The following ABCB10 variants were observed in gnomAD, a reference collection of about 807,000 sequenced individuals.
ABCB10 encodes ATP-binding cassette sub-family B member 10, mitochondrial.
ABCB10 carries 54 observed loss-of-function variants against 65.4 expected under a neutral mutation model. That is an observed-to-expected ratio of 0.83 (90% CI 0.66 to 1.04). ABCB10 has a LOEUF of 1.04. Ranked by LOEUF, ABCB10 falls within the 50% of genes least tolerant of loss-of-function variation. ABCB10 has a pLI of 0.00. For missense variants in ABCB10, 846 were observed against 976.6 expected, an observed-to-expected ratio of 0.87 and a Z score of 1.78; for synonymous variants, 418 against 406.5, an observed-to-expected ratio of 1.03 and a Z score of -0.34.
rs370441280 is a variant in ABCB10, at chr1:229,525,344, TTTGTTG to T, written c.1906+586_1906+591del. 6.7e-3 allele frequency among the ~76,000 whole-genome samples: 1,020 copies of T among 151,864 alleles called. 15 individuals carry two copies. The highest frequency in any genetic ancestry group is 0.023 in the African/African-American group (948 of 41,336). On this transcript the variant is annotated intron_variant, in intron 10 of 12. Transcript: ENST00000344517. ...TGAGGGTCTCAGGTTGCAAAGCACA[TTTGTTG>T]TTGTTGTTGTTGTTGTTGTTTTTCA...
chr1:229,522,835 C>A (rs1258253165), intron 10 of ABCB10, among the ~76,000 whole-genome samples: 1 of 149,918 alleles, frequency 6.7e-6, no homozygotes, highest in Non-Finnish European at 1.5e-5. Context: ...TCTAATATTC[C>A]CACATTATAG....
At chr1:229,547,801 C>A in intron 2 of ABCB10, 100 bp from the exon 3 acceptor site, 6 of 1,128,258 alleles carry the variant, frequency 5.3e-6, no homozygotes, top group Non-Finnish European at 7.9e-6. Context: ...GGAGTTGTAA[C>A]CCTCCTGAGC....
intron 8 of ABCB10, among the ~76,000 whole-genome samples, chr1:229,527,637 C>G (rs890639255): frequency 6.6e-6 from 1 of 152,180 alleles, no homozygotes; most frequent in East Asian, 1.9e-4. Context: ...ATAAGATGCA[C>G]TTGTGCAAAG....
At chr1:229,535,312 C>G (rs1662693660) in intron 6 of ABCB10, 1 of 152,050 alleles carries the variant, frequency 6.6e-6, no homozygotes, top group Non-Finnish European at 1.5e-5. Flanking sequence ...TTCATCATTG[C>G]CAAAACTTAG....
chr1:229,525,562 T>C (rs1045808618), intron 10 of ABCB10, among the ~76,000 whole-genome samples: 23 of 152,102 alleles, frequency 1.5e-4, no homozygotes, highest in African/African-American at 7.2e-5. Flanking sequence ...ACATGTGGGC[T>C]GGGCACGGTG....
At chr1:229,538,589 T>C (rs538312281) in intron 6 of ABCB10, among the ~76,000 whole-genome samples, 1 of 152,286 alleles carries the variant, frequency 6.6e-6, no homozygotes, top group African/African-American at 2.4e-5. Flanking sequence ...CATCTTAAAA[T>C]CAGTTTTTAT....
chr1:229,521,473 G>C, intron 11 of ABCB10, 119 bp downstream of exon 11: 1 of 967,714 alleles, frequency 1.0e-6, no homozygotes, highest in Non-Finnish European at 1.4e-6. Flanking sequence ...CCCACTCCAA[G>C]AAAAAAAAAA....
At chr1:229,552,921 G>T (rs1002364942) in intron 1 of ABCB10, among the ~76,000 whole-genome samples, 1 of 152,184 alleles carries the variant, frequency 6.6e-6, no homozygotes, top group African/African-American at 2.4e-5. Flanking sequence ...CCAAGCAGAG[G>T]AAGAGGAAGC....
intron 11 of ABCB10, among the ~76,000 whole-genome samples, chr1:229,520,864 C>G (rs1662297632): frequency 6.6e-6 from 1 of 152,182 alleles, no homozygotes; most frequent in African/African-American, 2.4e-5. Flanking sequence ...TCTAGACAGA[C>G]AGAAAGTAGA....
chr1:229,541,659 G>C (rs1056000155), intron 4 of ABCB10, among the ~76,000 whole-genome samples: 7 of 152,074 alleles, frequency 4.6e-5, no homozygotes, highest in Non-Finnish European at 8.8e-5. Flanking sequence ...AGTGATAGTG[G>C]CTAGGTATGG....
chr1:229,547,440 A>T, intron 3 of ABCB10, 59 bp downstream of exon 3: 1 of 1,582,572 alleles, frequency 6.3e-7, no homozygotes, highest in Non-Finnish European at 8.7e-7. Flanking sequence ...CACACGTGAG[A>T]GGCCTGGTGC....
Position 229,547,582 on chromosome 1 carries a change from C to T in ABCB10, c.838G>A (p.Ala280Thr). 1.2e-6 allele frequency: 2 copies of T among 1,614,144 alleles called. No individual in the cohort carries two copies. Among genetic ancestry groups the T allele is most frequent in the Non-Finnish European group, 1.7e-6 (2 of 1,179,988 alleles). ...TCAGTCACTGAGCGCCCCAGGAGTG[C>T]AGTGTCTGATGAGAGGCGGTTAATC... ...ELINRLSSDT[A>T]LLGRSVTENL... The change falls in exon 3 of 13, where the codon GCA (alanine) becomes ACA (threonine). Residue 280 changes from alanine to threonine, a missense_variant. Ala to Thr is a moderately conservative substitution (Grantham distance 58, BLOSUM62 0). Coordinates refer to ENST00000344517, the MANE Select transcript of ABCB10 (RefSeq NM_012089.3).
At chr1:229,519,554 G>A (rs1239207673) in intron 11 of ABCB10, among the ~76,000 whole-genome samples, 4 of 152,168 alleles carry the variant, frequency 2.6e-5, no homozygotes, top group Admixed American at 2.0e-4. Context: ...TTGGGAGGCC[G>A]AGGCAGGTGG....
chr1:229,526,069 A>G lies in ABCB10; in HGVS notation c.1773T>C (p.Gly591=), dbSNP rs1189174706. 10 of 1,614,108 alleles carry G rather than the reference A, an allele frequency of 6.2e-6. No individual in the cohort carries two copies. The East Asian group carries it at 2.2e-4, about 36-fold the overall frequency. Residue 591 remains glycine, a synonymous_variant, in exon 10 of 13, where the codon GGT becomes GGC. Coordinates refer to ENST00000344517, the MANE Select transcript of ABCB10 (RefSeq NM_012089.3). ...SCSIAENIAY[G]ADDPSSVTAE... ...CGGTCACAGAGGAAGGGTCATCAGC[A>G]CCATAAGCAATGTTCTCAGCAATAG...
Position 229,531,747 on chromosome 1 carries a change from A to C in ABCB10, c.1340-16T>G. 2 of 1,610,350 alleles carry C rather than the reference A, an allele frequency of 1.2e-6. No homozygotes were observed. The highest frequency in any genetic ancestry group is 1.7e-4 in the Middle Eastern group (1 of 6,054). ...GAGCTCAGACCTGAGGATGAGAAGC[A>C]GAATCCACACACATGTCCATCACTG... On this transcript the variant is annotated splice_polypyrimidine_tract_variant and intron_variant, in intron 6 of 12. Transcript: ENST00000344517.
chr1:229,520,339 G>A (rs891956019), intron 11 of ABCB10, among the ~76,000 whole-genome samples: 21 of 151,324 alleles, frequency 1.4e-4, no homozygotes, highest in African/African-American at 4.9e-4. Context: ...GTGTGGTGGC[G>A]TGCATCTGTG....
intron 6 of ABCB10, 29 bp downstream of exon 6, chr1:229,539,427 A>T (rs770806323): frequency 6.2e-7 from 1 of 1,607,236 alleles, no homozygotes; most frequent in Non-Finnish European, 8.5e-7. Context: ...TTTAATTTGT[A>T]ACACCCCAAG....
At chr1:229,521,726 A>T (rs1000502746) in intron 10 of ABCB10, 91 bp from the exon 11 acceptor site, 112 of 1,359,860 alleles carry the variant, frequency 8.2e-5, no homozygotes, top group Non-Finnish European at 9.9e-5. Context: ...TTTGAAGGCA[A>T]GCTTCTTCTA....
At chr1:229,556,538 G>C (rs1233280243) in intron 1 of ABCB10, among the ~76,000 whole-genome samples, 1 of 152,100 alleles carries the variant, frequency 6.6e-6, no homozygotes, top group East Asian at 1.9e-4. Context: ...GAAAAAAGGA[G>C]GCAGTCTCGT....
Sources: gnomAD v4.1 joint callset for allele counts (sites outside exome capture counted in the v4.1 genomes callset) on GRCh38, gnomAD v4.1.1 for gene constraint, MANE v1.5 for transcripts, NCBI Gene and HGNC (gene_info 2026-07-23, HGNC 2026-07-21) for gene names.